Variants in GRIN2B observed in about 807,000 individuals in gnomAD.
GRIN2B encodes glutamate ionotropic receptor NMDA type subunit 2B, also known as glutamate receptor ionotropic, NMDA 2B.
Under a neutral mutation model 114.5 loss-of-function variants are expected in GRIN2B, and 5 were observed. The observed-to-expected ratio is 0.04, with a 90% confidence interval of 0.02 to 0.09. The LOEUF is 0.09. Among genes scored for constraint, GRIN2B ranks in the 10% least tolerant of loss-of-function variants. The pLI, the probability that GRIN2B is intolerant of heterozygous loss-of-function variation, is 1.00. For missense variants in GRIN2B, 1,108 were observed against 1,943.5 expected, an observed-to-expected ratio of 0.57 and a Z score of 8.08; for synonymous variants, 787 against 745.1, an observed-to-expected ratio of 1.06 and a Z score of -0.92.
chr12:13,893,047 T>G (rs1866289369), intron 2 of GRIN2B, among the ~76,000 whole-genome samples: 2 of 152,172 alleles, frequency 1.3e-5, no homozygotes, highest in African/African-American at 4.8e-5. Flanking sequence ...ATCATTTAGT[T>G]AGCTCTAGAT....
At chr12:13,980,781 C>T (rs1001297148) in intron 1 of GRIN2B, among the ~76,000 whole-genome samples, 6 of 152,214 alleles carry the variant, frequency 3.9e-5, no homozygotes, top group African/African-American at 1.4e-4. Flanking sequence ...TTGTCTCGCT[C>T]GCTCTCCCCA....
At chr12:13,927,774 T>C (rs1339836151) in intron 2 of GRIN2B, among the ~76,000 whole-genome samples, 5 of 149,892 alleles carry the variant, frequency 3.3e-5, no homozygotes, top group Non-Finnish European at 7.4e-5. Context: ...GGCTACATAA[T>C]GAGACCCCCA....
chr12:13,589,947 G>C (rs1948983497), intron 10 of GRIN2B, among the ~76,000 whole-genome samples: 1 of 152,058 alleles, frequency 6.6e-6, no homozygotes. Context: ...ATAGTGGACA[G>C]ATTATGATAG....
rs62686762 is a variant in GRIN2B, at chr12:13,548,481, T to TCCC, written c.*14299_*14301dup. On this transcript the variant is annotated 3_prime_UTR_variant, in exon 14 of 14. Coordinates refer to ENST00000609686, the MANE Select transcript of GRIN2B (RefSeq NM_000834.5). ...CCAAGAATCCTGCTATTTTCCCACCTCCCCCCCCCGATGAATATAGGTGTA... is the reference window on the plus strand; with the variant it reads ...CCAAGAATCCTGCTATTTTCCCACCTCCCCCCCCCCCCGATGAATATAGGTGTA... The TCCC allele has an allele frequency of 6.7e-6, 1 of 149,264 alleles. No homozygotes were observed. The highest frequency in any genetic ancestry group is 2.5e-5 in the African/African-American group (1 of 40,114). 9.2% of individuals were successfully genotyped at this position (149,264 alleles called of 1,614,324 possible).
intron 10 of GRIN2B, among the ~76,000 whole-genome samples, chr12:13,606,282 T>C (rs1184185727): frequency 6.6e-6 from 1 of 152,158 alleles, no homozygotes; most frequent in Non-Finnish European, 1.5e-5. Context: ...TTTGGGCATA[T>C]GGTGACATCC....
chr12:13,616,865 T>C (rs1206245363), intron 5 of GRIN2B, among the ~76,000 whole-genome samples: 2 of 152,242 alleles, frequency 1.3e-5, no homozygotes, highest in African/African-American at 4.8e-5. Context: ...AATACATTCA[T>C]TTATCACTCA....
chr12:13,610,301 A>G (rs1949351251), intron 9 of GRIN2B, among the ~76,000 whole-genome samples: 1 of 152,250 alleles, frequency 6.6e-6, no homozygotes, highest in East Asian at 1.9e-4. Context: ...GAAGACAAAC[A>G]TCCTTTGGTA....
intron 4 of GRIN2B, among the ~76,000 whole-genome samples, chr12:13,742,096 T>C (rs1863297678): frequency 6.6e-6 from 1 of 152,208 alleles, no homozygotes; most frequent in African/African-American, 2.4e-5. Context: ...AGATAATCGA[T>C]ATAATTTAAG....
Position 13,712,405 on chromosome 12 carries a change from ATATAT to A in GRIN2B, c.1011-36551_1011-36547del, listed in dbSNP as rs57234423. 3.4e-4 allele frequency among the ~76,000 whole-genome samples: 52 copies of A among 151,982 alleles called. No individual in the cohort carries two copies. In the Middle Eastern group the frequency reaches 0.02, roughly 60 times the overall value. ...AAAAAACAAATAAAAATAAAATAAA[ATATAT>A]TATTAATGAAAGAAAAAAGCAAAAT... On this transcript the variant is annotated intron_variant, in intron 4 of 13. Coordinates refer to ENST00000609686, the MANE Select transcript of GRIN2B (RefSeq NM_000834.5).
In GRIN2B at chr12:13,732,346, G is replaced by C. The variant is rs376408543; in HGVS notation, c.1010+20971C>G. ...CATGACTTGTTCACAATTCCATTCA[G>C]GTCAAGTTGATTCCAATATAACCCT... On this transcript the variant is annotated intron_variant, in intron 4 of 13. Coordinates refer to ENST00000609686, the MANE Select transcript of GRIN2B (RefSeq NM_000834.5). Among the ~76,000 whole-genome samples the C allele has an allele frequency of 3.3e-5, 5 of 152,276 alleles. No individual in the cohort carries two copies. In the East Asian group the frequency reaches 7.7e-4, roughly 23 times the overall value.
intron 5 of GRIN2B, among the ~76,000 whole-genome samples, chr12:13,637,679 A>G (rs944908003): frequency 6.6e-6 from 1 of 152,180 alleles, no homozygotes; most frequent in Admixed American, 6.6e-5. Flanking sequence ...TTCATAACCT[A>G]ATAGTAAGCA....
At chr12:13,943,051 C>A (rs1413348798) in intron 2 of GRIN2B, among the ~76,000 whole-genome samples, 3 of 152,028 alleles carry the variant, frequency 2.0e-5, no homozygotes, top group Non-Finnish European at 4.4e-5. Flanking sequence ...GCAAGGGATG[C>A]CACAGGGAAT....
intron 2 of GRIN2B, among the ~76,000 whole-genome samples, chr12:13,882,965 T>C (rs1468992846): frequency 1.3e-5 from 2 of 152,242 alleles, no homozygotes; most frequent in African/African-American, 4.8e-5. Context: ...GTGATTTCTA[T>C]AATTTGCTTC....
chr12:13,638,395 G>A (rs988368624), intron 5 of GRIN2B, among the ~76,000 whole-genome samples: 21 of 152,198 alleles, frequency 1.4e-4, no homozygotes, highest in East Asian at 1.9e-4. Context: ...ACATGTCCAC[G>A]TGAATGCATA....
At chr12:13,918,742 C>T (rs1046570583) in intron 2 of GRIN2B, among the ~76,000 whole-genome samples, 1 of 152,198 alleles carries the variant, frequency 6.6e-6, no homozygotes, top group African/African-American at 2.4e-5. Context: ...ATAAACTACA[C>T]ATTATGAAGT....
intron 4 of GRIN2B, among the ~76,000 whole-genome samples, chr12:13,703,690 T>C (rs1950332346): frequency 6.6e-6 from 1 of 152,198 alleles, no homozygotes; most frequent in Admixed American, 6.5e-5. Flanking sequence ...AAATTTAGGA[T>C]GTTTTCAATT....
chr12:13,856,797 C>T (rs887939779), intron 3 of GRIN2B, among the ~76,000 whole-genome samples: 1 of 152,106 alleles, frequency 6.6e-6, no homozygotes, highest in Non-Finnish European at 1.5e-5. Flanking sequence ...CCATCTCATC[C>T]ACTCTCATGG....
intron 3 of GRIN2B, among the ~76,000 whole-genome samples, chr12:13,805,701 CAT>C (rs1340406465): frequency 6.6e-6 from 1 of 152,118 alleles, no homozygotes; most frequent in Non-Finnish European, 1.5e-5. Context: ...AGCTAATTGA[CAT>C]ATACATTACC....
rs1863906748 is a variant in GRIN2B at position 13,771,448 on chromosome 12, T to C, written c.412-17533A>G. On this transcript the variant is annotated intron_variant, in intron 3 of 13. Transcript: ENST00000609686. ...GTAAGTAGCCAAGGTAACAAAGCAA[T>C]AATTTCAAAACAGAGCAGAAGCATA... is the stretch of plus-strand genomic sequence containing the variant. Among the ~76,000 whole-genome samples, 5 of 151,976 alleles carry C rather than the reference T, an allele frequency of 3.3e-5. No homozygotes were observed. The South Asian group carries it at 1.0e-3, about 32-fold the overall frequency.
Sources: gnomAD v4.1 joint callset for allele counts (sites outside exome capture counted in the v4.1 genomes callset) on GRCh38, gnomAD v4.1.1 for gene constraint, MANE v1.5 for transcripts, NCBI Gene and HGNC (gene_info 2026-07-23, HGNC 2026-07-21) for gene names.